Variants in MMP26 observed in about 807,000 individuals in gnomAD.
MMP26 encodes matrix metallopeptidase 26.
A neutral mutation model predicts 31.0 loss-of-function variants in MMP26; 33 were observed. The observed-to-expected ratio is 1.06, with a 90% CI of 0.81 to 1.42. MMP26 has a LOEUF of 1.42. Ranked by LOEUF, MMP26 falls within the 40% of genes most tolerant of loss-of-function variation. The probability of loss-of-function intolerance (pLI) is 0.00; values close to 1 mark genes in which losing one functional copy is unlikely to be tolerated. For synonymous variants in MMP26, 122 were observed against 114.9 expected (o/e 1.06, Z -0.40); for missense variants, 347 against 316.1 (o/e 1.10, Z -0.74).
chr11:4,879,352 C>T (rs907394549), intron 2 of MMP26, among the ~76,000 whole-genome samples: 8 of 152,036 alleles, frequency 5.3e-5, no homozygotes, highest in African/African-American at 1.9e-4. Flanking sequence ...TATGTGGGCA[C>T]ACAGTTGGGA....
chr11:4,963,305 C>T (rs1846546239), intron 2 of MMP26, among the ~76,000 whole-genome samples: 1 of 152,182 alleles, frequency 6.6e-6, no homozygotes, highest in Non-Finnish European at 1.5e-5. Flanking sequence ...AATGGCCATA[C>T]TGCCCAAAGT....
chr11:4,797,907 G>A (rs1413147359), intron 2 of MMP26, among the ~76,000 whole-genome samples: 1 of 152,136 alleles, frequency 6.6e-6, no homozygotes. Context: ...CCCATTCTCT[G>A]CCACTATTAT....
chr11:4,723,067 C>A, intron 1 of MMP26: 1 of 1,210,908 alleles, frequency 8.3e-7, no homozygotes, highest in Non-Finnish European at 1.2e-6. Flanking sequence ...GCTCCTGGTA[C>A]CCATGCAGCT....
chr11:4,802,556 A>G (rs1849197735), intron 2 of MMP26, among the ~76,000 whole-genome samples: 2 of 152,202 alleles, frequency 1.3e-5, no homozygotes, highest in African/African-American at 4.8e-5. Context: ...TGCAAAAGCC[A>G]TCTTGTGATA....
intron 2 of MMP26, among the ~76,000 whole-genome samples, chr11:4,778,839 T>C (rs1848822437): frequency 1.3e-5 from 2 of 152,218 alleles, no homozygotes; most frequent in African/African-American, 4.8e-5. Flanking sequence ...TGATTTCTGA[T>C]GCTATTTTAA....
At chr11:4,766,850 G>T (rs1411458541) in intron 1 of MMP26, among the ~76,000 whole-genome samples, 1 of 151,430 alleles carries the variant, frequency 6.6e-6, no homozygotes. Flanking sequence ...GCTGGTGGCT[G>T]TGCTATCGGT....
chr11:4,730,177 C>T (rs923220415), intron 1 of MMP26, among the ~76,000 whole-genome samples: 2 of 152,088 alleles, frequency 1.3e-5, no homozygotes, highest in South Asian at 2.1e-4. Flanking sequence ...ATTTCCTTTG[C>T]CTTTACTATT....
intron 2 of MMP26, among the ~76,000 whole-genome samples, chr11:4,844,034 A>G (rs1024592266): frequency 3.3e-5 from 5 of 152,204 alleles, no homozygotes; most frequent in Non-Finnish European, 5.9e-5. Flanking sequence ...TTTTAGCCAG[A>G]CTAAGAAAGA....
intron 2 of MMP26, among the ~76,000 whole-genome samples, chr11:4,964,329 T>C (rs1432641454): frequency 6.6e-6 from 1 of 152,186 alleles, no homozygotes; most frequent in African/African-American, 2.4e-5. Flanking sequence ...TTCTGCATAA[T>C]GGCTAGCCAG....
At chr11:4,923,077 T>A (rs536510025) in intron 2 of MMP26, among the ~76,000 whole-genome samples, 17 of 152,214 alleles carry the variant, frequency 1.1e-4, no homozygotes, top group Non-Finnish European at 2.5e-4. Context: ...ATGGTTAATA[T>A]TTATTGAAAA....
At chr11:4,904,831 T>G (rs906573489) in intron 2 of MMP26, among the ~76,000 whole-genome samples, 1 of 152,154 alleles carries the variant, frequency 6.6e-6, no homozygotes, top group African/African-American at 2.4e-5. Context: ...ATTCTTTACA[T>G]ATTTGCTGAG....
chr11:4,980,817 T>A (rs1469263588), intron 2 of MMP26, among the ~76,000 whole-genome samples: 2 of 152,034 alleles, frequency 1.3e-5, no homozygotes, highest in Non-Finnish European at 1.5e-5. Context: ...TTTTCCTAAG[T>A]GAAGGGTGAA....
intron 2 of MMP26, among the ~76,000 whole-genome samples, chr11:4,929,901 T>G (rs1851322748): frequency 6.6e-6 from 1 of 152,132 alleles, no homozygotes; most frequent in African/African-American, 2.4e-5. Flanking sequence ...CAGATTTTCA[T>G]GTAGCAATAG....
intron 2 of MMP26, among the ~76,000 whole-genome samples, chr11:4,813,984 T>C (rs1259203286): frequency 6.6e-6 from 1 of 152,126 alleles, no homozygotes; most frequent in Non-Finnish European, 1.5e-5. Context: ...AAACAGGCCG[T>C]GTACAGCAAG....
At chr11:4,857,444 C>T (rs1331368465) in intron 2 of MMP26, among the ~76,000 whole-genome samples, 1 of 152,032 alleles carries the variant, frequency 6.6e-6, no homozygotes, top group Non-Finnish European at 1.5e-5. Flanking sequence ...ATACTATAAA[C>T]ACCTCTGTGC....
intron 2 of MMP26, chr11:4,943,919 T>C: frequency 2.3e-6 from 1 of 427,086 alleles, no homozygotes; most frequent in Non-Finnish European, 4.7e-6. Flanking sequence ...CTATGTACAA[T>C]ATCCTGAAAG....
intron 2 of MMP26, among the ~76,000 whole-genome samples, chr11:4,810,990 G>A (rs779882176): frequency 1.3e-5 from 2 of 152,084 alleles, no homozygotes; most frequent in Non-Finnish European, 2.9e-5. Context: ...AGGTTATCAG[G>A]TTTACATCAA....
chr11:4,990,880 A>T, intron 5 of MMP26, 134 bp downstream of exon 5: 1 of 852,902 alleles, frequency 1.2e-6, no homozygotes, highest in Non-Finnish European at 1.8e-6. Flanking sequence ...CCTACTGCAA[A>T]GCAAATCCTG....
intron 2 of MMP26, among the ~76,000 whole-genome samples, chr11:4,856,379 C>G (rs11607868): frequency 5.3e-5 from 8 of 151,698 alleles, no homozygotes; most frequent in Non-Finnish European, 1.2e-4. Flanking sequence ...GGAGGAAGAT[C>G]TACCAAGCAA....
Sources: allele counts gnomAD v4.1 joint callset (sites outside exome capture counted in the v4.1 genomes callset), GRCh38; gene constraint gnomAD v4.1.1; transcripts MANE v1.5; gene names NCBI Gene and HGNC (gene_info 2026-07-23, HGNC 2026-07-21).